Variants in RTN1 observed in about 807,000 individuals in gnomAD.
The protein encoded by RTN1 is reticulon-1.
In RTN1, 25 loss-of-function variants were observed where a neutral mutation model predicts 65.5. The ratio of observed to expected loss-of-function variants is 0.38; its 90% confidence interval spans 0.28 to 0.53. The LOEUF is 0.53. Among genes scored for constraint, RTN1 ranks in the 20% least tolerant of loss-of-function variants. RTN1 has a pLI of 0.79. For synonymous variants in RTN1, 471 were observed against 447.6 expected (o/e 1.05, Z -0.66); for missense variants, 983 against 1,025.4 (o/e 0.96, Z 0.57).
At chr14:59,835,795 C>T (rs889414782) in intron 1 of RTN1, among the ~76,000 whole-genome samples, 2 of 152,104 alleles carry the variant, frequency 1.3e-5, no homozygotes, top group African/African-American at 2.4e-5. Flanking sequence ...CATGGTGATA[C>T]AATTAATGAT....
chr14:59,676,955 G>A (rs769609127), intron 3 of RTN1, among the ~76,000 whole-genome samples: 33 of 152,200 alleles, frequency 2.2e-4, no homozygotes, highest in Non-Finnish European at 4.6e-4. Context: ...TATAAGTTCA[G>A]ATGATGGGAA....
chr14:59,661,915 A>G (rs1883256795), intron 3 of RTN1, among the ~76,000 whole-genome samples: 1 of 152,218 alleles, frequency 6.6e-6, no homozygotes, highest in African/African-American at 2.4e-5. Flanking sequence ...ATCAGGCAAG[A>G]GAAAGAAATA....
At position 59,817,630 on chromosome 14, in the gene RTN1, A is replaced by ATT. The variant is rs11413729; in HGVS notation, c.241+52758_241+52759dup. On this transcript the variant is annotated intron_variant, in intron 1 of 8. Coordinates refer to ENST00000267484, the MANE Select transcript of RTN1 (RefSeq NM_021136.3). ...TCTATCTACACATTACCTCCCTTTG[A>ATT]TTTTTTTTTTTTTAAGAAAGATTTT... 8.1e-4 allele frequency among the ~76,000 whole-genome samples: 120 copies of ATT among 148,330 alleles called. 1 individual carries two copies. Among genetic ancestry groups the ATT allele is most frequent in the Middle Eastern group, 7.0e-3 (2 of 286 alleles).
chr14:59,853,478 C>T (rs1318629309), intron 1 of RTN1, among the ~76,000 whole-genome samples: 1 of 152,172 alleles, frequency 6.6e-6, no homozygotes, highest in Non-Finnish European at 1.5e-5. Context: ...CCCATCCTAT[C>T]TTCTTTTAAG....
chr14:59,851,629 G>A (rs1468010646), intron 1 of RTN1, among the ~76,000 whole-genome samples: 2 of 152,094 alleles, frequency 1.3e-5, no homozygotes, highest in African/African-American at 4.8e-5. Context: ...GGAGGCCAAG[G>A]CGGACAGATC....
At chr14:59,721,982 C>T (rs936629449) in intron 3 of RTN1, among the ~76,000 whole-genome samples, 2 of 152,104 alleles carry the variant, frequency 1.3e-5, no homozygotes, top group African/African-American at 4.8e-5. Context: ...TTTTTCATTA[C>T]TATGAAAAAC....
intron 1 of RTN1, among the ~76,000 whole-genome samples, chr14:59,806,710 T>TGTAG (rs746511006): frequency 1.6e-4 from 25 of 152,156 alleles, no homozygotes; most frequent in Non-Finnish European, 3.4e-4. Context: ...AGTGAGAACA[T>TGTAG]GTAGTATTTG....
chr14:59,770,115 T>G (rs542552914), intron 1 of RTN1, among the ~76,000 whole-genome samples: 1 of 151,990 alleles, frequency 6.6e-6, no homozygotes, highest in Non-Finnish European at 1.5e-5. Context: ...TGGTGGCTCA[T>G]GCCTGTAATC....
At chr14:59,740,825 A>G (rs1421621523) in intron 2 of RTN1, among the ~76,000 whole-genome samples, 2 of 152,208 alleles carry the variant, frequency 1.3e-5, no homozygotes, top group Non-Finnish European at 2.9e-5. Flanking sequence ...AATTTCAACA[A>G]TTTCAAAGGC....
intron 3 of RTN1, among the ~76,000 whole-genome samples, chr14:59,645,059 G>A (rs1251382207): frequency 6.6e-6 from 1 of 152,220 alleles, no homozygotes; most frequent in East Asian, 1.9e-4. Context: ...CAGTTCCCCA[G>A]CACAGCAAAG....
chr14:59,681,008 C>A (rs1166227525), intron 3 of RTN1, among the ~76,000 whole-genome samples: 4 of 151,952 alleles, frequency 2.6e-5, no homozygotes, highest in Admixed American at 6.6e-5. Flanking sequence ...GAAATTTTGA[C>A]AGTGGTGGTT....
intron 5 of RTN1, 56 bp from the exon 6 acceptor site, chr14:59,603,977 C>A: frequency 7.3e-7 from 1 of 1,375,616 alleles, no homozygotes; most frequent in South Asian, 1.2e-5. Context: ...AAGTTAGAGT[C>A]TCATATCATT....
intron 3 of RTN1, among the ~76,000 whole-genome samples, chr14:59,646,811 C>G (rs1159511444): frequency 6.6e-6 from 1 of 151,836 alleles, no homozygotes; most frequent in Non-Finnish European, 1.5e-5. Context: ...ATGGAAAGAC[C>G]ATTACCAGCC....
At chr14:59,648,249 T>C (rs1430463093) in intron 3 of RTN1, among the ~76,000 whole-genome samples, 1 of 152,154 alleles carries the variant, frequency 6.6e-6, no homozygotes, top group Non-Finnish European at 1.5e-5. Context: ...CAGGAAGAAA[T>C]TGCTTCCCTG....
intron 3 of RTN1, among the ~76,000 whole-genome samples, chr14:59,699,198 C>T (rs1884127943): frequency 6.6e-6 from 1 of 151,926 alleles, no homozygotes; most frequent in Admixed American, 6.6e-5. Flanking sequence ...GTGATGGGTG[C>T]ACCATAATCT....
intron 1 of RTN1, among the ~76,000 whole-genome samples, chr14:59,793,972 A>T (rs1435998491): frequency 6.6e-6 from 1 of 152,134 alleles, no homozygotes; most frequent in Non-Finnish European, 1.5e-5. Context: ...GCTTATCTTC[A>T]GTAGTGAACA....
intron 3 of RTN1, among the ~76,000 whole-genome samples, chr14:59,664,249 T>C (rs747394435): frequency 7.2e-5 from 11 of 151,898 alleles, no homozygotes; most frequent in Admixed American, 2.0e-4. Flanking sequence ...TTCTCACTCA[T>C]AAGTGGGAGT....
chr14:59,742,695 T>A (rs1203411944), intron 2 of RTN1, among the ~76,000 whole-genome samples: 1 of 152,212 alleles, frequency 6.6e-6, no homozygotes, highest in African/African-American at 2.4e-5. Context: ...ACTGGACCCT[T>A]TTTTGCTTAA....
chr14:59,795,616 G>C (rs1179494568), intron 1 of RTN1, among the ~76,000 whole-genome samples: 2 of 152,158 alleles, frequency 1.3e-5, no homozygotes, highest in Non-Finnish European at 2.9e-5. Flanking sequence ...CATATTTATT[G>C]TGAACAAGTT....
Sources: gnomAD v4.1 joint callset for allele counts (sites outside exome capture counted in the v4.1 genomes callset) on GRCh38, gnomAD v4.1.1 for gene constraint, MANE v1.5 for transcripts, NCBI Gene and HGNC (gene_info 2026-07-23, HGNC 2026-07-21) for gene names.